Variants in SORCS2 observed in about 807,000 individuals in gnomAD.
SORCS2 encodes the protein sortilin related VPS10 domain containing receptor 2, also known as VPS10 domain-containing receptor SorCS2.
Under a neutral mutation model 141.6 loss-of-function variants are expected in SORCS2, and 100 were observed. The ratio of observed to expected loss-of-function variants is 0.71; its 90% CI spans 0.60 to 0.83. The LOEUF (loss-of-function observed/expected upper bound fraction) is 0.83. SORCS2 is among the 40% of genes least tolerant of loss of function. The probability of loss-of-function intolerance (pLI) is 0.00; values close to 1 mark genes in which losing one functional copy is unlikely to be tolerated. For missense variants in SORCS2, 1,646 were observed against 1,560.2 expected, an observed-to-expected ratio of 1.05 and a Z score of -0.93; for synonymous variants, 789 against 676.9, an observed-to-expected ratio of 1.17 and a Z score of -2.57.
chr4:7,276,020 G>C (rs1715476270), intron 1 of SORCS2, among the ~76,000 whole-genome samples: 2 of 152,204 alleles, frequency 1.3e-5, no homozygotes, highest in South Asian at 4.1e-4. Flanking sequence ...TCAGTGGGGA[G>C]TTGCTCTGCT....
At chr4:7,714,147 C>G in intron 15 of SORCS2, 93 bp from the exon 16 acceptor site, 18 of 1,482,190 alleles carry the variant, frequency 1.2e-5, no homozygotes, top group Non-Finnish European at 1.6e-5. Context: ...AGCCATCAGC[C>G]ATCTTCAGGC....
intron 17 of SORCS2, among the ~76,000 whole-genome samples, chr4:7,717,627 CCTCTTGGGCA>C (rs1302912426): frequency 6.6e-6 from 1 of 152,176 alleles, no homozygotes; most frequent in Non-Finnish European, 1.5e-5. Context: ...GACCCCAGGC[CCTCTTGGGCA>C]CTCTGTCCTC....
chr4:7,661,391 G>A, intron 5 of SORCS2, 109 bp from the exon 6 acceptor site: 2 of 1,153,152 alleles, frequency 1.7e-6, no homozygotes, highest in East Asian at 2.6e-5. Flanking sequence ...CAGAGCAAGG[G>A]CGGCTTCAGA....
intron 2 of SORCS2, among the ~76,000 whole-genome samples, chr4:7,510,670 G>C (rs1290425682): frequency 3.6e-5 from 5 of 139,672 alleles, no homozygotes; most frequent in African/African-American, 1.5e-4. Flanking sequence ...CTGGAAATGC[G>C]ACCCCGGGGC....
chr4:7,236,400 T>C (rs1246075769), intron 1 of SORCS2, among the ~76,000 whole-genome samples: 1 of 151,050 alleles, frequency 6.6e-6, no homozygotes, highest in Non-Finnish European at 1.5e-5. Flanking sequence ...GGACTGGGAG[T>C]GTGTCTATTG....
Position 7,729,727 on chromosome 4 carries a change from C to G in SORCS2, c.3108+15C>G. The G allele has an allele frequency of 6.2e-7, 1 of 1,606,996 alleles. No homozygotes were observed. The highest frequency in any genetic ancestry group is 8.5e-7 in the Non-Finnish European group (1 of 1,175,970). On this transcript the variant is annotated intron_variant, in intron 23 of 26. Transcript: ENST00000507866. ...CGAGTGATAAGGTATGTCCTGTGGC[C>G]GCTGCACTCCCAGGTCCTCCCTGCA...
At chr4:7,570,942 C>T (rs1219624449) in intron 3 of SORCS2, among the ~76,000 whole-genome samples, 2 of 152,162 alleles carry the variant, frequency 1.3e-5, no homozygotes, top group African/African-American at 4.8e-5. Context: ...CTTTGCTGTT[C>T]TGCCCCTTTT....
chr4:7,698,811 A>C, intron 12 of SORCS2, among the ~76,000 whole-genome samples: 1 of 151,296 alleles, frequency 6.6e-6, no homozygotes, highest in South Asian at 2.1e-4. Flanking sequence ...CCCAAGGGGC[A>C]GGCCTGTGCG....
chr4:7,209,683 T>TA (rs1239094622), intron 1 of SORCS2, among the ~76,000 whole-genome samples: 1 of 151,952 alleles, frequency 6.6e-6, no homozygotes, highest in Non-Finnish European at 1.5e-5. Context: ...CAATCTGTTT[T>TA]TTTTTTTTTA....
At position 7,644,323 on chromosome 4, in the gene SORCS2, G is replaced by A. The variant is rs528654470; in HGVS notation, c.813+5831G>A. ...TCCATAAAGCCAGTGACTGGACACCGGAATGTGGAGTCCAGCTGCTGCCTT... is the reference window on the plus strand; with the variant it reads ...TCCATAAAGCCAGTGACTGGACACCAGAATGTGGAGTCCAGCTGCTGCCTT... On this transcript the variant is annotated intron_variant, in intron 4 of 26. Coordinates refer to ENST00000507866, the MANE Select transcript of SORCS2 (RefSeq NM_020777.3). Among the ~76,000 whole-genome samples, 18 of 152,296 alleles carry A rather than the reference G, an allele frequency of 1.2e-4. No individual in the cohort carries two copies. In the South Asian group the frequency reaches 3.3e-3, roughly 28 times the overall value.
chr4:7,324,974 A>G (rs3913445), intron 1 of SORCS2, among the ~76,000 whole-genome samples: 118,067 of 152,186 alleles, frequency 0.78, 46,201 homozygotes, highest in African/African-American at 0.87. Flanking sequence ...CCTGGCCTGG[A>G]AGGAGTCTCT....
intron 1 of SORCS2, among the ~76,000 whole-genome samples, chr4:7,337,613 C>T (rs954284439): frequency 3.3e-5 from 5 of 152,164 alleles, no homozygotes; most frequent in African/African-American, 1.2e-4. Context: ...CTTGCAGCCA[C>T]GGCCAGAGGG....
intron 1 of SORCS2, among the ~76,000 whole-genome samples, chr4:7,336,481 G>C (rs55896277): frequency 0.36 from 33,776 of 95,058 alleles, 5,431 homozygotes; most frequent in African/African-American, 0.4. Flanking sequence ...AGGACCTCCT[G>C]TTCGCATCTT....
chr4:7,418,164 T>A (rs1472375498), intron 2 of SORCS2, among the ~76,000 whole-genome samples: 2 of 152,112 alleles, frequency 1.3e-5, no homozygotes, highest in African/African-American at 4.8e-5. Context: ...GCTCAGCACA[T>A]TTCAGGTGTA....
chr4:7,719,366 C>A (rs1480608628), intron 18 of SORCS2, among the ~76,000 whole-genome samples: 1 of 152,230 alleles, frequency 6.6e-6, no homozygotes, highest in African/African-American at 2.4e-5. Context: ...CTGGCCCCAC[C>A]TCAAGTGGCG....
chr4:7,202,202 C>G (rs979537068), intron 1 of SORCS2, among the ~76,000 whole-genome samples: 2 of 152,290 alleles, frequency 1.3e-5, no homozygotes, highest in South Asian at 4.2e-4. Flanking sequence ...ATATGCAGCC[C>G]GCTGAGGGCA....
At chr4:7,655,472 T>C (rs1721704800) in intron 5 of SORCS2, among the ~76,000 whole-genome samples, 1 of 152,268 alleles carries the variant, frequency 6.6e-6, no homozygotes, top group Non-Finnish European at 1.5e-5. Context: ...AGTTGGCGGC[T>C]GCAGAGTGGG....
At position 7,209,841 on chromosome 4, in the gene SORCS2, G is replaced by T. The variant is rs1424772292; in HGVS notation, c.480+16715G>T. 2.0e-5 allele frequency among the ~76,000 whole-genome samples: 3 copies of T among 152,216 alleles called. 1 individual carries two copies. Among genetic ancestry groups the T allele is most frequent in the Admixed American group, 1.3e-4 (2 of 15,278 alleles). ...CTACAGGGCTTTGGCCCAAATTTGT[G>T]TTTGCCCCAGAGAGCATTTTGGGAG... On this transcript the variant is annotated intron_variant, in intron 1 of 26. Coordinates refer to ENST00000507866, the MANE Select transcript of SORCS2 (RefSeq NM_020777.3).
chr4:7,341,175 G>A (rs147045207), intron 1 of SORCS2, among the ~76,000 whole-genome samples: 154 of 152,394 alleles, frequency 1.0e-3, no homozygotes, highest in Non-Finnish European at 2.1e-3. Context: ...AATGTTGGCG[G>A]ATGGAAGCAT....
Sources: allele counts gnomAD v4.1 joint callset (sites outside exome capture counted in the v4.1 genomes callset), GRCh38; gene constraint gnomAD v4.1.1; transcripts MANE v1.5; gene names NCBI Gene and HGNC (gene_info 2026-07-23, HGNC 2026-07-21).